Variants in PRSS23 observed in about 807,000 individuals in gnomAD.
PRSS23 encodes serine protease 23, also known as protease, serine 23.
Under a neutral mutation model 34.7 loss-of-function variants are expected in PRSS23, and 25 were observed. The ratio of observed to expected loss-of-function variants is 0.72; its 90% confidence interval spans 0.53 to 1.01. The LOEUF is 1.01. PRSS23 is among the 50% of genes least tolerant of loss of function. The pLI is 0.00. For synonymous variants in PRSS23, 176 were observed against 186.6 expected, an observed-to-expected ratio of 0.94 and a Z score of 0.46; for missense variants, 445 against 475.6, an observed-to-expected ratio of 0.94 and a Z score of 0.60.
exon 3 of PRSS23, chr11:86,952,596 C>G (rs1022298483): frequency 3.0e-6 from 3 of 990,130 alleles, no homozygotes; most frequent in Non-Finnish European, 4.7e-6. Context: ...ACCAACCTAT[C>G]GGGAGTCTGT....
At chr11:86,898,568 G>C (rs771093359) in intron 2 of PRSS23, among the ~76,000 whole-genome samples, 1 of 152,164 alleles carries the variant, frequency 6.6e-6, no homozygotes, top group African/African-American at 2.4e-5. Context: ...CAAATGAAGC[G>C]GAGCACCTTT....
At chr11:86,796,355 A>G (rs1947980225), upstream of PRSS23, among the ~76,000 whole-genome samples, 1 of 152,196 alleles carries the variant, frequency 6.6e-6, no homozygotes, top group African/African-American at 2.4e-5. Flanking sequence ...TAAAGATTAC[A>G]CATAGGCCGG....
chr11:86,804,852 T>C (rs1948080897), intron 1 of PRSS23, among the ~76,000 whole-genome samples: 1 of 152,206 alleles, frequency 6.6e-6, no homozygotes, highest in South Asian at 2.1e-4. Context: ...GTAACTGCCA[T>C]GTTCTTCATG....
At chr11:86,939,722 G>C (rs1008936198) in intron 2 of PRSS23, among the ~76,000 whole-genome samples, 2 of 144,172 alleles carry the variant, frequency 1.4e-5, no homozygotes, top group Non-Finnish European at 3.0e-5. Context: ...TTAGCTAAAT[G>C]CTGATGTAAA....
chr11:86,816,171 C>G (rs1366129543), downstream of PRSS23, among the ~76,000 whole-genome samples: 1 of 152,174 alleles, frequency 6.6e-6, no homozygotes, highest in African/African-American at 2.4e-5. Flanking sequence ...CTCAAGCTCT[C>G]CTACCCTCCA....
At chr11:86,940,276 T>C (rs1409549925) in intron 2 of PRSS23, among the ~76,000 whole-genome samples, 1 of 152,144 alleles carries the variant, frequency 6.6e-6, no homozygotes, top group East Asian at 1.9e-4. Flanking sequence ...TGGCGTTATT[T>C]ATCTTTAGTT....
intron 2 of PRSS23, among the ~76,000 whole-genome samples, chr11:86,914,807 T>C (rs1002311454): frequency 2.0e-5 from 3 of 152,262 alleles, no homozygotes; most frequent in African/African-American, 7.2e-5. Flanking sequence ...GTCTGGAATT[T>C]AGAAGAGAGT....
chr11:86,825,398 A>G (rs903243879), intron 2 of PRSS23, among the ~76,000 whole-genome samples: 2 of 152,180 alleles, frequency 1.3e-5, no homozygotes, highest in Admixed American at 6.5e-5. Context: ...TCAGATGAGT[A>G]GGTTGTGAAA....
chr11:86,860,880 C>T (rs972238143), intron 2 of PRSS23, among the ~76,000 whole-genome samples: 11 of 151,670 alleles, frequency 7.3e-5, no homozygotes, highest in African/African-American at 1.9e-4. Flanking sequence ...CTCCCAATAT[C>T]GTAGAAGTGT....
intron 2 of PRSS23, among the ~76,000 whole-genome samples, chr11:86,878,835 G>C (rs1230028961): frequency 5.1e-5 from 7 of 137,206 alleles, no homozygotes; most frequent in Admixed American, 7.3e-5. Context: ...TCTTCCCTGC[G>C]GCCATCCCGT....
chr11:86,862,655 C>T (rs765434129), intron 2 of PRSS23, among the ~76,000 whole-genome samples: 1 of 151,978 alleles, frequency 6.6e-6, no homozygotes. Flanking sequence ...TGTAATGACA[C>T]AGGGGGTGTA....
intron 2 of PRSS23, among the ~76,000 whole-genome samples, chr11:86,868,356 G>A (rs1590903347): frequency 6.6e-6 from 1 of 152,106 alleles, no homozygotes; most frequent in East Asian, 1.9e-4. Flanking sequence ...ACAATAGCAA[G>A]TATGGATGAT....
At chr11:86,906,577 C>A (rs772040972) in intron 2 of PRSS23, among the ~76,000 whole-genome samples, 3 of 152,308 alleles carry the variant, frequency 2.0e-5, no homozygotes, top group Non-Finnish European at 2.9e-5. Flanking sequence ...TAGTTTGCCA[C>A]GAATCTCCAA....
chr11:86,880,309 G>T (rs574176438), intron 2 of PRSS23, among the ~76,000 whole-genome samples: 1 of 150,184 alleles, frequency 6.7e-6, no homozygotes, highest in African/African-American at 2.5e-5. Flanking sequence ...CAAACACTGC[G>T]GAAGGCCGCA....
intron 2 of PRSS23, among the ~76,000 whole-genome samples, chr11:86,901,339 T>C (rs1948911082): frequency 6.6e-6 from 1 of 152,114 alleles, no homozygotes; most frequent in South Asian, 2.1e-4. Context: ...GCATGATAAA[T>C]GTTTAGAGAA....
intron 2 of PRSS23, among the ~76,000 whole-genome samples, chr11:86,852,010 TCTC>T (rs1456049711): frequency 6.6e-6 from 1 of 152,000 alleles, no homozygotes; most frequent in Non-Finnish European, 1.5e-5. Context: ...TGCATATTGG[TCTC>T]CTCCCATCTG....
At chr11:86,867,607 C>T (rs965562217) in intron 2 of PRSS23, among the ~76,000 whole-genome samples, 3 of 152,192 alleles carry the variant, frequency 2.0e-5, no homozygotes, top group Non-Finnish European at 4.4e-5. Flanking sequence ...AAGCCAGGCA[C>T]AGTGGCTCAT....
chr11:86,815,819 C>T (rs1209310359), downstream of PRSS23, among the ~76,000 whole-genome samples: 1 of 152,160 alleles, frequency 6.6e-6, no homozygotes, highest in African/African-American at 2.4e-5. Flanking sequence ...GAGTTCTGTG[C>T]TATCCATCAC....
At chr11:86,881,288 G>T (rs11234859) in intron 2 of PRSS23, among the ~76,000 whole-genome samples, 1,515 of 150,562 alleles carry the variant, frequency 0.01, 29 homozygotes, top group African/African-American at 0.035. Context: ...AAATGGTGTT[G>T]GTGTTTGTCA....
Sources: allele counts gnomAD v4.1 joint callset (sites outside exome capture counted in the v4.1 genomes callset), GRCh38; gene constraint gnomAD v4.1.1; transcripts MANE v1.5; gene names NCBI Gene and HGNC (gene_info 2026-07-23, HGNC 2026-07-21).